The following ASPH variants were observed in gnomAD, a reference collection of about 807,000 sequenced individuals.
ASPH encodes the protein aspartyl/asparaginyl beta-hydroxylase.
In ASPH, 100 loss-of-function variants were observed where a neutral mutation model predicts 118.4. The ratio of observed to expected loss-of-function variants is 0.84; its 90% CI spans 0.72 to 1.00. The LOEUF is 1.00. Ranked by LOEUF, ASPH falls within the 50% of genes least tolerant of loss-of-function variation. ASPH has a pLI of 0.00. For missense variants in ASPH, 920 were observed against 919.5 expected (o/e 1.00, Z -0.01); for synonymous variants, 315 against 325.6 (o/e 0.97, Z 0.35).
intron 3 of ASPH, chr8:61,663,390 T>C (rs779131158): frequency 1.7e-4 from 170 of 985,236 alleles, no homozygotes; most frequent in Middle Eastern, 1.0e-3. Context: ...GCCATCTGCA[T>C]TGGGATTGGT....
At chr8:61,598,727 G>T (rs1186523425) in intron 14 of ASPH, among the ~76,000 whole-genome samples, 1 of 152,166 alleles carries the variant, frequency 6.6e-6, no homozygotes, top group Non-Finnish European at 1.5e-5. Flanking sequence ...CATTCTCCAG[G>T]TAGACCATAT....
intron 6 of ASPH, among the ~76,000 whole-genome samples, 176 bp from the exon 7 acceptor site, chr8:61,644,808 G>A (rs1251668857): frequency 6.6e-6 from 1 of 152,010 alleles, no homozygotes; most frequent in African/African-American, 2.4e-5. Flanking sequence ...GTACACTGTG[G>A]GATGTCTCAC....
At chr8:61,557,071 T>C (rs1252971581) in intron 18 of ASPH, among the ~76,000 whole-genome samples, 1 of 152,194 alleles carries the variant, frequency 6.6e-6, no homozygotes, top group Non-Finnish European at 1.5e-5. Context: ...TGTCACTTCC[T>C]TCACCACTGC....
intron 21 of ASPH, among the ~76,000 whole-genome samples, chr8:61,533,671 G>C (rs917063459): frequency 4.6e-5 from 7 of 152,102 alleles, no homozygotes; most frequent in African/African-American, 1.7e-4. Flanking sequence ...TCTATTCTCT[G>C]AGGCCATGCA....
intron 20 of ASPH, among the ~76,000 whole-genome samples, chr8:61,551,754 T>C (rs994784974): frequency 2.6e-5 from 4 of 152,228 alleles, no homozygotes; most frequent in African/African-American, 9.6e-5. Flanking sequence ...CAGTGTTAGA[T>C]GTTGTAGCAA....
chr8:61,692,072 G>A (rs771493829), intron 1 of ASPH, among the ~76,000 whole-genome samples: 4 of 152,110 alleles, frequency 2.6e-5, no homozygotes, highest in Non-Finnish European at 4.4e-5. Context: ...ATTTCTCCTT[G>A]ACAAATCTTT....
intron 1 of ASPH, 22 bp from the exon 2 acceptor site, chr8:61,684,210 A>C (rs1443142762): frequency 2.5e-6 from 4 of 1,591,516 alleles, no homozygotes; most frequent in Non-Finnish European, 3.4e-6. Flanking sequence ...TAAATGTAAG[A>C]TATCATAAGA....
intron 14 of ASPH, among the ~76,000 whole-genome samples, chr8:61,596,225 T>G (rs559799690): frequency 6.6e-6 from 1 of 152,276 alleles, no homozygotes; most frequent in Non-Finnish European, 1.5e-5. Context: ...CACCTGTGCA[T>G]GCCTTCCAGG....
In ASPH at chr8:61,664,359, T is replaced by C. The variant is rs1014138918; in HGVS notation, c.323-10699A>G. The stretch of plus-strand genomic sequence containing the variant: ...AAGTGTGATATAAAATGAAAGTACA[T>C]TCTAATCTGAAATAATTAAAACCTT... On this transcript the variant is annotated intron_variant, in intron 3 of 24. Coordinates refer to ENST00000379454, the MANE Select transcript of ASPH (RefSeq NM_004318.4). 5.5e-5 allele frequency: 54 copies of C among 974,830 alleles called. 1 individual carries two copies. Among genetic ancestry groups the C allele is most frequent in the Non-Finnish European group, 6.6e-5 (54 of 820,412 alleles). The allele number at this position is 974,830 out of a possible 1,614,324, so 60.4% of individuals were successfully genotyped here.
intron 24 of ASPH, among the ~76,000 whole-genome samples, chr8:61,508,367 C>G (rs1807451918): frequency 6.6e-6 from 1 of 152,100 alleles, no homozygotes; most frequent in African/African-American, 2.4e-5. Context: ...TCTGGGTTGT[C>G]AAAAGATATA....
intron 14 of ASPH, among the ~76,000 whole-genome samples, chr8:61,602,638 A>C (rs1844366030): frequency 6.6e-6 from 1 of 151,388 alleles, no homozygotes; most frequent in East Asian, 1.9e-4. Context: ...AGGGACCTTA[A>C]GTGGATCAGT....
intron 1 of ASPH, among the ~76,000 whole-genome samples, chr8:61,684,980 A>C (rs940047505): frequency 6.6e-6 from 1 of 152,188 alleles, no homozygotes; most frequent in Non-Finnish European, 1.5e-5. Flanking sequence ...ATAAATAAAA[A>C]GAATAAATAA....
chr8:61,574,647 A>G (rs11992824), intron 16 of ASPH, among the ~76,000 whole-genome samples: 14,400 of 152,204 alleles, frequency 0.095, 968 homozygotes, highest in East Asian at 0.27. Flanking sequence ...GAGTTGAACA[A>G]TGAGAACACA....
chr8:61,548,116 C>A lies in ASPH; in HGVS notation c.1719G>T (p.Gln573His). ...SLYNVNGLKA[Q>H]PWWTPKETGY... Reference sequence around the variant, plus strand: ...CCGTTTCTTTTGGGGTCCACCAAGGCTGTGCTTTCAGTCCATTCACATTGT... The same window carrying A: ...CCGTTTCTTTTGGGGTCCACCAAGGATGTGCTTTCAGTCCATTCACATTGT... Residue 573 changes from glutamine (Q) to histidine (H), a missense_variant, in exon 21 of 25, where the codon CAG becomes CAT. Physicochemically the swap from Gln to His is conservative, Grantham distance 24. Transcript: ENST00000379454. 1.2e-6 allele frequency: 2 copies of A among 1,613,978 alleles called. No individual in the cohort carries two copies. The highest frequency in any genetic ancestry group is 1.7e-6 in the Non-Finnish European group (2 of 1,179,906).
chr8:61,619,969 C>T (rs1222858783), intron 13 of ASPH, among the ~76,000 whole-genome samples: 2 of 152,170 alleles, frequency 1.3e-5, no homozygotes, highest in Admixed American at 6.5e-5. Context: ...TCGGTGAGAT[C>T]AGGGATGCGG....
In ASPH at chr8:61,618,833, C is replaced by T. The variant is rs559416752; in HGVS notation, c.976+145G>A. 9.2e-6 allele frequency: 6 copies of T among 655,154 alleles called. No individual in the cohort carries two copies. In the African/African-American group the frequency reaches 1.1e-4, roughly 12 times the overall value. 40.6% of individuals were successfully genotyped at this position (655,154 alleles called of 1,614,324 possible). On this transcript the variant is annotated intron_variant, in intron 14 of 24. Transcript: ENST00000379454. ...TTTATGTAAAATATTAATAAGTGTT[C>T]TTTGATAAATCATTGAAATAACAAA...
Position 61,537,190 on chromosome 8 carries a change from T to C in ASPH, c.1764+10881A>G, listed in dbSNP as rs372696822. On this transcript the variant is annotated intron_variant, in intron 21 of 24. Coordinates refer to ENST00000379454, the MANE Select transcript of ASPH (RefSeq NM_004318.4). Reference sequence around the variant, plus strand: ...TCAGTCAGAGAAGGTAAAGGGAAGATGGGGAGCTGACTTCATGTCCCACCT... The same window carrying C: ...TCAGTCAGAGAAGGTAAAGGGAAGACGGGGAGCTGACTTCATGTCCCACCT... 9.5e-4 allele frequency among the ~76,000 whole-genome samples: 144 copies of C among 152,178 alleles called. 1 individual carries two copies. In the Middle Eastern group the frequency reaches 0.027, roughly 29 times the overall value.
At chr8:61,632,654 A>G (rs939001368) in intron 13 of ASPH, 1 of 496,254 alleles carries the variant, frequency 2.0e-6, no homozygotes, top group Non-Finnish European at 4.0e-6. Flanking sequence ...CATTCTCTTA[A>G]TCAAATATTT....
intron 15 of ASPH, chr8:61,579,212 G>A: frequency 6.2e-7 from 1 of 1,613,414 alleles, no homozygotes; most frequent in Non-Finnish European, 8.5e-7. Context: ...GGGCTTCCCT[G>A]GAGGCCGCCA....
Sources: allele counts gnomAD v4.1 joint callset (sites outside exome capture counted in the v4.1 genomes callset), GRCh38; gene constraint gnomAD v4.1.1; transcripts MANE v1.5; gene names NCBI Gene and HGNC (gene_info 2026-07-23, HGNC 2026-07-21).